The following ZNF559 variants were observed in gnomAD, a reference collection of about 807,000 sequenced individuals.
ZNF559 encodes putative protein product of Nbla00121.
In ZNF559, 17 loss-of-function variants were observed where a neutral mutation model predicts 14.2. That is an observed-to-expected ratio of 1.20 (90% confidence interval 0.82 to 1.80). The LOEUF (loss-of-function observed/expected upper bound fraction) is 1.80. ZNF559 is among the 40% of genes most tolerant of loss of function. The probability of loss-of-function intolerance (pLI) is 0.00; values close to 1 mark genes in which losing one functional copy is unlikely to be tolerated. For synonymous variants in ZNF559, 244 were observed against 212.4 expected (o/e 1.15, Z -1.29); for missense variants, 740 against 629.7 (o/e 1.18, Z -1.88).
chr19:9,333,518 A>C (rs977153467), intron 2 of ZNF559, among the ~76,000 whole-genome samples: 1 of 152,138 alleles, frequency 6.6e-6, no homozygotes, highest in Non-Finnish European at 1.5e-5. Context: ...GCAAGACCCC[A>C]TCTCTACAGA....
upstream of ZNF559, chr19:9,323,913 C>T (rs1019989464): frequency 1.8e-5 from 10 of 554,852 alleles, no homozygotes; most frequent in Non-Finnish European, 3.2e-5. Context: ...TTCAACAAAT[C>T]CCAGCTCTTG....
chr19:9,334,572 T>A (rs2067123624), intron 2 of ZNF559, among the ~76,000 whole-genome samples: 1 of 152,210 alleles, frequency 6.6e-6, no homozygotes, highest in Non-Finnish European at 1.5e-5. Flanking sequence ...GAGAATAGTT[T>A]CCATTTGCGA....
At position 9,337,835 on chromosome 19, in the gene ZNF559, A is replaced by G; in HGVS notation, c.-80A>G. ...AATGGCGCTTGATGACAGATGAGTAATGCCTGTTGCTGAAAGATTGACGGT... is the reference window on the plus strand; with the variant it reads ...AATGGCGCTTGATGACAGATGAGTAGTGCCTGTTGCTGAAAGATTGACGGT... On this transcript the variant is annotated 5_prime_UTR_variant, in exon 3 of 7. It removes an upstream start codon present in the reference 5' UTR. Coordinates refer to ENST00000603380, the MANE Select transcript of ZNF559 (RefSeq NM_032497.3). 6.7e-7 allele frequency: 1 copy of G among 1,482,588 alleles called. No individual in the cohort carries two copies. The highest frequency in any genetic ancestry group is 8.9e-7 in the Non-Finnish European group (1 of 1,119,674). The allele number at this position is 1,482,588 out of a possible 1,614,324, so 91.8% of individuals were successfully genotyped here. A position where few individuals can be genotyped will look rare whatever the true frequency, so the allele number is the denominator to read the frequency against.
In ZNF559 at chr19:9,343,415, T is replaced by G; in HGVS notation, c.*347T>G. The G allele has an allele frequency of 9.2e-7, 1 of 1,088,980 alleles. No homozygotes were observed. The highest frequency in any genetic ancestry group is 1.1e-6 in the Non-Finnish European group (1 of 894,278). 67.5% of individuals were successfully genotyped at this position (1,088,980 alleles called of 1,614,324 possible). On this transcript the variant is annotated 3_prime_UTR_variant, in exon 7 of 7. Coordinates refer to ENST00000603380, the MANE Select transcript of ZNF559 (RefSeq NM_032497.3). ...GGAAGGTGGAAAAGCTTTCATTATT[T>G]TCCTCGGGCCTTACTGAGCTTGTGA...
At chr19:9,324,307 G>A (rs2066440981) in intron 1 of ZNF559, 79 bp downstream of exon 1, 1 of 1,535,512 alleles carries the variant, frequency 6.5e-7, no homozygotes, top group African/African-American at 1.4e-5. Context: ...AAGGGGAGGT[G>A]CCCAGTGAAA....
chr19:9,342,611 G>A lies in ZNF559; in HGVS notation c.1160G>A (p.Gly387Glu). 1.2e-6 allele frequency: 2 copies of A among 1,614,110 alleles called. No individual in the cohort carries two copies. The highest frequency in any genetic ancestry group is 1.7e-6 in the Non-Finnish European group (2 of 1,180,002). ...AAGCCTTATCAATGTAAGGAATGTGGAAAAGCCTTTATTAATTCCTCTTCC... is the reference window on the plus strand; with the variant it reads ...AAGCCTTATCAATGTAAGGAATGTGAAAAAGCCTTTATTAATTCCTCTTCC... The part of the protein sequence containing the change: ...GEKPYQCKEC[G>E]KAFINSSSFK... The change falls in exon 7 of 7, where the codon GGA becomes GAA. Residue 387 changes from glycine (G) to glutamate (E), a missense_variant. Gly to Glu is a moderately conservative substitution (Grantham distance 98). Transcript: ENST00000603380.
chr19:9,337,332 T>C (rs1177581789), intron 2 of ZNF559, among the ~76,000 whole-genome samples: 3 of 152,170 alleles, frequency 2.0e-5, no homozygotes, highest in Admixed American at 6.5e-5. Context: ...AGCTCAACCA[T>C]AGAAAAATAT....
intron 2 of ZNF559, among the ~76,000 whole-genome samples, chr19:9,327,069 G>A (rs1233185125): frequency 6.6e-6 from 1 of 152,120 alleles, no homozygotes; most frequent in East Asian, 1.9e-4. Flanking sequence ...TATCCTATCA[G>A]TAGTCACATA....
intron 3 of ZNF559, chr19:9,338,075 G>A: frequency 6.8e-7 from 1 of 1,465,436 alleles, no homozygotes; most frequent in Non-Finnish European, 9.2e-7. Context: ...TGAACAGCTT[G>A]TCTTGTGATT....
At chr19:9,338,058 C>G in intron 3 of ZNF559, 200 bp downstream of exon 3, 2 of 1,509,212 alleles carry the variant, frequency 1.3e-6, no homozygotes, top group Non-Finnish European at 1.8e-6. Flanking sequence ...CTGCTTTAAC[C>G]AGTCTGTGAA....
chr19:9,331,015 C>T (rs894783524), intron 2 of ZNF559, among the ~76,000 whole-genome samples: 1 of 152,146 alleles, frequency 6.6e-6, no homozygotes, highest in Admixed American at 6.5e-5. Flanking sequence ...AGAAGTATAC[C>T]ATAAGGTTGA....
intron 2 of ZNF559, among the ~76,000 whole-genome samples, chr19:9,329,396 C>A (rs1462689978): frequency 6.6e-6 from 1 of 152,062 alleles, no homozygotes; most frequent in Admixed American, 6.6e-5. Context: ...TTAATATTTG[C>A]TTTATGTATG....
At chr19:9,332,852 G>C (rs559554712) in intron 2 of ZNF559, among the ~76,000 whole-genome samples, 71 of 152,312 alleles carry the variant, frequency 4.7e-4, no homozygotes, top group Non-Finnish European at 5.6e-4. Context: ...TTGGCTCTCT[G>C]AGGTATTTTT....
At position 9,342,423 on chromosome 19, in the gene ZNF559, G is replaced by A. The variant is rs762703671; in HGVS notation, c.972G>A (p.Pro324=). The A allele has an allele frequency of 3.0e-5, 49 of 1,613,956 alleles. No individual in the cohort carries two copies. Among genetic ancestry groups the A allele is most frequent in the Admixed American group, 1.5e-4 (9 of 59,986 alleles). Residue 324 remains proline, a synonymous_variant, in exon 7 of 7, where the codon CCG becomes CCA. Transcript: ENST00000603380. ...TAAGGGTTCACACTGGAGAAAAACC[G>A]TATGAGTGCAACAAATGTGGGAAAG... ...IHIRVHTGEK[P]YECNKCGKAF... is the part of the protein sequence containing the mutation.
intron 5 of ZNF559, 97 bp from the exon 6 acceptor site, chr19:9,341,005 G>A (rs564133759): frequency 1.1e-6 from 1 of 901,672 alleles, no homozygotes; most frequent in Non-Finnish European, 1.7e-6. Flanking sequence ...TCAAGCCAGT[G>A]TTTGAAACTA....
At position 9,337,818 on chromosome 19, in the gene ZNF559, T is replaced by C; in HGVS notation, c.-97T>C. The C allele has an allele frequency of 1.4e-6, 2 of 1,463,116 alleles. No individual in the cohort carries two copies. The highest frequency in any genetic ancestry group is 1.4e-5 in the African/African-American group (1 of 71,140). 90.6% of individuals were successfully genotyped at this position (1,463,116 alleles called of 1,614,324 possible). A position where few individuals can be genotyped will look rare whatever the true frequency, so the allele number is the denominator to read the frequency against. On this transcript the variant is annotated 5_prime_UTR_variant, in exon 3 of 7. Coordinates refer to ENST00000603380, the MANE Select transcript of ZNF559 (RefSeq NM_032497.3). ...CAGAGAGATGGCTAATGAATGGCGC[T>C]TGATGACAGATGAGTAATGCCTGTT...
chr19:9,341,027 A>C, intron 5 of ZNF559, 75 bp from the exon 6 acceptor site: 1 of 1,085,356 alleles, frequency 9.2e-7, no homozygotes, highest in South Asian at 1.4e-5. Flanking sequence ...AGTACATACT[A>C]GTCTTGCATT....
At chr19:9,332,478 T>G (rs1202043383) in intron 2 of ZNF559, among the ~76,000 whole-genome samples, 1 of 152,148 alleles carries the variant, frequency 6.6e-6, no homozygotes, top group African/African-American at 2.4e-5. Flanking sequence ...GGATTTATCT[T>G]CACCCCTTTG....
intron 2 of ZNF559, among the ~76,000 whole-genome samples, chr19:9,327,305 T>A (rs2066670913): frequency 6.6e-6 from 1 of 152,002 alleles, no homozygotes; most frequent in African/African-American, 2.4e-5. Context: ...TGGAGTACAG[T>A]GGCGTGATCT....
Sources: gnomAD v4.1 joint callset for allele counts (sites outside exome capture counted in the v4.1 genomes callset) on GRCh38, gnomAD v4.1.1 for gene constraint, MANE v1.5 for transcripts, NCBI Gene and HGNC (gene_info 2026-07-23, HGNC 2026-07-21) for gene names.